COG5: variants seen among roughly 807,000 people sequenced by gnomAD.
COG5 encodes the protein conserved oligomeric Golgi complex subunit 5.
COG5 carries 86 observed loss-of-function variants against 110.4 expected under a neutral mutation model. That is an observed-to-expected ratio of 0.78 (90% confidence interval 0.65 to 0.93). COG5 has a LOEUF of 0.93. Among genes scored for constraint, COG5 ranks in the 40% least tolerant of loss-of-function variants. The pLI is 0.00. For synonymous variants in COG5, 360 were observed against 334.6 expected, an observed-to-expected ratio of 1.08 and a Z score of -0.83; for missense variants, 1,077 against 987.0, an observed-to-expected ratio of 1.09 and a Z score of -1.22.
At chr7:107,475,512 T>C in intron 6 of COG5, 1 of 515,520 alleles carries the variant, frequency 1.9e-6, no homozygotes, top group Non-Finnish European at 3.5e-6. Context: ...ATAGGTCATA[T>C]ATATTCAATT....
chr7:107,312,457 G>A (rs1260066573), intron 11 of COG5, among the ~76,000 whole-genome samples: 1 of 152,188 alleles, frequency 6.6e-6, no homozygotes, highest in Non-Finnish European at 1.5e-5. Flanking sequence ...AATTTTGTGG[G>A]AACTGACAGA....
intron 6 of COG5, among the ~76,000 whole-genome samples, chr7:107,427,939 C>T (rs772801820): frequency 2.6e-5 from 4 of 152,080 alleles, no homozygotes; most frequent in Non-Finnish European, 4.4e-5. Flanking sequence ...GGGTATCTCT[C>T]CTTCAGTGTG....
intron 11 of COG5, among the ~76,000 whole-genome samples, chr7:107,318,979 T>C (rs1809005447): frequency 6.6e-6 from 1 of 152,218 alleles, no homozygotes; most frequent in Non-Finnish European, 1.5e-5. Context: ...ATTACACATA[T>C]GTTAGATTGC....
In COG5 at chr7:107,487,633, T is replaced by C. The variant is rs145335601; in HGVS notation, c.538+39604A>G. ...TCAAACATGACCTTTGACCAAGAAA[T>C]TCAACTTCTAAAATGTATCATAAGG... On this transcript the variant is annotated intron_variant, in intron 6 of 21. Coordinates refer to ENST00000297135, the MANE Select transcript of COG5 (RefSeq NM_006348.5). Among the ~76,000 whole-genome samples the C allele has an allele frequency of 1.6e-3, 249 of 151,958 alleles. 1 individual carries two copies. The highest frequency in any genetic ancestry group is 5.6e-3 in the African/African-American group (234 of 41,476).
chr7:107,261,285 A>AT (rs1803323801), intron 14 of COG5, among the ~76,000 whole-genome samples: 1 of 151,964 alleles, frequency 6.6e-6, no homozygotes, highest in African/African-American at 2.4e-5. Flanking sequence ...CTGATGTTAC[A>AT]TTTTATCCTG....
chr7:107,555,978 T>A (rs751535631), intron 2 of COG5, among the ~76,000 whole-genome samples: 1 of 148,932 alleles, frequency 6.7e-6, no homozygotes, highest in Non-Finnish European at 1.5e-5. Context: ...GTGCCACTTA[T>A]ACACCAGCCT....
intron 6 of COG5, among the ~76,000 whole-genome samples, chr7:107,507,689 G>C (rs528637700): frequency 2.6e-4 from 39 of 152,000 alleles, no homozygotes; most frequent in African/African-American, 6.8e-4. Context: ...TAATTAATGG[G>C]TCCCTATTGT....
intron 7 of COG5, among the ~76,000 whole-genome samples, chr7:107,382,595 G>A (rs1429804445): frequency 2.0e-5 from 3 of 151,932 alleles, no homozygotes; most frequent in African/African-American, 4.8e-5. Flanking sequence ...CCACCACCAC[G>A]CCCAGCTAAT....
intron 10 of COG5, among the ~76,000 whole-genome samples, chr7:107,345,041 T>G (rs1246559405): frequency 6.6e-6 from 1 of 152,128 alleles, no homozygotes; most frequent in Non-Finnish European, 1.5e-5. Flanking sequence ...CTTGAACACT[T>G]AGAGGTCACT....
chr7:107,445,253 A>G (rs889517782), intron 6 of COG5, among the ~76,000 whole-genome samples: 1 of 152,144 alleles, frequency 6.6e-6, no homozygotes, highest in Non-Finnish European at 1.5e-5. Context: ...AGTTACAAAA[A>G]CACACTCTTC....
chr7:107,243,962 T>C (rs983957185), intron 17 of COG5, among the ~76,000 whole-genome samples: 1 of 152,012 alleles, frequency 6.6e-6, no homozygotes, highest in Non-Finnish European at 1.5e-5. Flanking sequence ...AAGAAGTTCT[T>C]TGGGCTGGAC....
chr7:107,246,154 C>T (rs1377845849), intron 17 of COG5, among the ~76,000 whole-genome samples: 2 of 152,178 alleles, frequency 1.3e-5, no homozygotes, highest in East Asian at 3.8e-4. Context: ...GGCTAACTGG[C>T]TAGTCATACA....
At chr7:107,418,660 G>T (rs1404116946) in intron 6 of COG5, among the ~76,000 whole-genome samples, 3 of 149,588 alleles carry the variant, frequency 2.0e-5, no homozygotes, top group Non-Finnish European at 4.5e-5. Context: ...AGAGAACACA[G>T]AAGTTAGTGG....
chr7:107,377,219 G>A (rs567573206), intron 7 of COG5, among the ~76,000 whole-genome samples: 24 of 152,036 alleles, frequency 1.6e-4, no homozygotes, highest in Admixed American at 6.5e-4. Context: ...TCCAAGGAAA[G>A]GTTTTTTTAA....
At chr7:107,332,808 T>C (rs1810377536) in intron 10 of COG5, among the ~76,000 whole-genome samples, 1 of 152,144 alleles carries the variant, frequency 6.6e-6, no homozygotes, top group South Asian at 2.1e-4. Context: ...CAGGTTTCTG[T>C]TGTTTTAAAA....
chr7:107,201,509 C>A lies in COG5; in HGVS notation c.*2007G>T. On this transcript the variant is annotated 3_prime_UTR_variant, in exon 22 of 22. Coordinates refer to ENST00000297135, the MANE Select transcript of COG5 (RefSeq NM_006348.5). ...TGGAAAGACTTAAGAAGATCAAGGTCTCACCATTTGTCCTCAATTCGTGTG... is the reference window on the plus strand; with the variant it reads ...TGGAAAGACTTAAGAAGATCAAGGTATCACCATTTGTCCTCAATTCGTGTG... 2.3e-6 allele frequency: 2 copies of A among 872,024 alleles called. No homozygotes were observed. The highest frequency in any genetic ancestry group is 3.8e-6 in the Non-Finnish European group (2 of 531,194). The allele number at this position is 872,024 out of a possible 1,614,324, so 54.0% of individuals were successfully genotyped here.
At position 107,563,743 on chromosome 7, in the gene COG5, C is replaced by G; in HGVS notation, c.94+60G>C. 3.8e-6 allele frequency: 6 copies of G among 1,582,230 alleles called. No individual in the cohort carries two copies. In the South Asian group the frequency reaches 6.7e-5, roughly 18 times the overall value. ...CAACGGGTTGGGTCCACCTCGCTGT[C>G]CAGGTGCGGAGCAGCGCAGACCCCC... is the stretch of plus-strand genomic sequence containing the variant. On this transcript the variant is annotated intron_variant, in intron 1 of 21. Coordinates refer to ENST00000297135, the MANE Select transcript of COG5 (RefSeq NM_006348.5).
At chr7:107,340,415 C>G (rs892544108) in intron 10 of COG5, among the ~76,000 whole-genome samples, 2 of 152,082 alleles carry the variant, frequency 1.3e-5, no homozygotes, top group Admixed American at 6.5e-5. Flanking sequence ...CTGGGCCAAA[C>G]TGATTCACAG....
At chr7:107,209,849 A>T (rs1584523406) in intron 21 of COG5, 1 of 985,506 alleles carries the variant, frequency 1.0e-6, no homozygotes, top group Middle Eastern at 5.2e-4. Flanking sequence ...AACTGTAGCT[A>T]AAGCTACAGA....
Sources: allele counts gnomAD v4.1 joint callset (sites outside exome capture counted in the v4.1 genomes callset), GRCh38; gene constraint gnomAD v4.1.1; transcripts MANE v1.5; gene names NCBI Gene and HGNC (gene_info 2026-07-23, HGNC 2026-07-21).